TMEM232: variants seen among roughly 807,000 people sequenced by gnomAD.
The protein encoded by TMEM232 is transmembrane protein 232.
TMEM232 carries 80 observed loss-of-function variants against 78.8 expected under a neutral mutation model. That is an observed-to-expected ratio of 1.01 (90% CI 0.85 to 1.22). TMEM232 has a LOEUF of 1.22. Ranked by LOEUF, TMEM232 falls within the 50% of genes most tolerant of loss-of-function variation. The pLI is 0.00. For missense variants in TMEM232, 881 were observed against 742.2 expected, an observed-to-expected ratio of 1.19 and a Z score of -2.17; for synonymous variants, 297 against 254.3, an observed-to-expected ratio of 1.17 and a Z score of -1.60.
intron 1 of TMEM232, among the ~76,000 whole-genome samples, chr5:110,691,924 G>GC (rs930181072): frequency 2.0e-5 from 3 of 151,972 alleles, no homozygotes; most frequent in Non-Finnish European, 2.9e-5. Flanking sequence ...TCTTTTGTTT[G>GC]TTTTTTGTTT....
At chr5:110,397,923 A>C (rs1012266917) in intron 2 of TMEM232, 2 of 152,580 alleles carry the variant, frequency 1.3e-5, no homozygotes, top group Non-Finnish European at 2.9e-5. Context: ...TTCTCTCAAT[A>C]ACTTGTCACT....
intron 12 of TMEM232, among the ~76,000 whole-genome samples, chr5:110,501,321 A>T (rs1324778622): frequency 6.6e-6 from 1 of 152,152 alleles, no homozygotes; most frequent in Non-Finnish European, 1.5e-5. Flanking sequence ...CTAAGCTATT[A>T]ATTAACTTCT....
At chr5:110,704,298 T>C (rs1795712103) in intron 1 of TMEM232, among the ~76,000 whole-genome samples, 1 of 152,038 alleles carries the variant, frequency 6.6e-6, no homozygotes, top group Admixed American at 6.6e-5. Context: ...GCAACTAAAC[T>C]TGATATGGTT....
chr5:110,451,543 T>G (rs1224383316), intron 12 of TMEM232, among the ~76,000 whole-genome samples: 1 of 152,176 alleles, frequency 6.6e-6, no homozygotes, highest in Non-Finnish European at 1.5e-5. Context: ...AATCTTCTAG[T>G]CATTGTTTTT....
rs996756686 is a variant in TMEM232, at chr5:110,420,009, G to T, written c.*571C>A. 6.6e-6 allele frequency: 1 copy of T among 152,248 alleles called. No individual in the cohort carries two copies. Among genetic ancestry groups the T allele is most frequent in the African/African-American group, 2.4e-5 (1 of 41,422 alleles). 9.4% of individuals were successfully genotyped at this position (152,248 alleles called of 1,614,324 possible). Reference sequence around the variant, plus strand: ...GGAATCCCCTCTGGCATCTGTTAAAGATCAAGCCAATCAATCTAAGATGAC... The same window carrying T: ...GGAATCCCCTCTGGCATCTGTTAAATATCAAGCCAATCAATCTAAGATGAC... On this transcript the variant is annotated 3_prime_UTR_variant, in exon 14 of 14. Transcript: ENST00000455884.
rs1756507984 is a variant in TMEM232 at position 110,420,331 on chromosome 5, T to C, written c.*249A>G. ...AAGGTCAATTGAGAAAAATACTAGATGTAGTCTTGGAAATTTTTGACTAGT... is the reference window on the plus strand; with the variant it reads ...AAGGTCAATTGAGAAAAATACTAGACGTAGTCTTGGAAATTTTTGACTAGT... On this transcript the variant is annotated 3_prime_UTR_variant, in exon 14 of 14. Transcript: ENST00000455884. The C allele has an allele frequency of 6.4e-6, 2 of 314,288 alleles. No homozygotes were observed. The highest frequency in any genetic ancestry group is 4.3e-5 in the African/African-American group (2 of 46,248). 19.5% of individuals were successfully genotyped at this position (314,288 alleles called of 1,614,324 possible).
intron 1 of TMEM232, among the ~76,000 whole-genome samples, chr5:110,705,768 G>A (rs1170099259): frequency 1.8e-5 from 2 of 109,902 alleles, no homozygotes; most frequent in African/African-American, 6.3e-5. Context: ...GTGTGCGTGT[G>A]TGTGTGTGTG....
chr5:110,457,962 C>T (rs1580761087), intron 12 of TMEM232, among the ~76,000 whole-genome samples: 2 of 151,758 alleles, frequency 1.3e-5, no homozygotes, highest in Non-Finnish European at 2.9e-5. Context: ...TGTGTTTTTC[C>T]ACCAATACTT....
intron 12 of TMEM232, among the ~76,000 whole-genome samples, chr5:110,499,280 T>C (rs1359112585): frequency 1.3e-5 from 2 of 152,174 alleles, no homozygotes; most frequent in Non-Finnish European, 2.9e-5. Context: ...ATAAAGCCTG[T>C]TGTCTACAAG....
chr5:110,424,829 G>A lies in TMEM232; in HGVS notation c.1791C>T (p.Asp597=). 1 of 1,547,950 alleles carries A rather than the reference G, an allele frequency of 6.5e-7. No individual in the cohort carries two copies. Among genetic ancestry groups the A allele is most frequent in the Non-Finnish European group, 8.7e-7 (1 of 1,144,902 alleles). ...AAAAAAAAATCAATCTTACGTGATG[G>A]TCAATGATTTTTGCCAACTCTTTAT... ...KADKELAKII[D]HHWQEELKIR... Residue 597 remains aspartate, a synonymous_variant, in exon 13 of 14, where the codon GAC becomes GAT. Coordinates refer to ENST00000455884, the MANE Select transcript of TMEM232 (RefSeq NM_001039763.4).
rs6879512 is a variant in TMEM232, at chr5:110,638,983, A to G, written c.344-628T>C. Among the ~76,000 whole-genome samples the G allele has an allele frequency of 7.0e-3, 1,066 of 152,348 alleles. 12 individuals are homozygous for G. The highest frequency in any genetic ancestry group is 0.024 in the African/African-American group (1,015 of 41,584). On this transcript the variant is annotated intron_variant, in intron 4 of 13. Transcript: ENST00000455884. ...GAAGAATATAGAGCTAAGAGCCTAG[A>G]GAAAACAGCTTCTCAAATCATTACA...
chr5:110,607,646 A>C (rs929029557), intron 8 of TMEM232, among the ~76,000 whole-genome samples: 2 of 151,998 alleles, frequency 1.3e-5, no homozygotes, highest in African/African-American at 4.8e-5. Context: ...TTTGATTTAA[A>C]ATTGACTGCC....
intron 2 of TMEM232, among the ~76,000 whole-genome samples, chr5:110,407,272 A>C (rs1755827267): frequency 6.6e-6 from 1 of 152,144 alleles, no homozygotes; most frequent in Non-Finnish European, 1.5e-5. Flanking sequence ...TAAAGAAACA[A>C]GACCTAACTA....
intron 12 of TMEM232, among the ~76,000 whole-genome samples, chr5:110,493,248 A>G (rs1385534076): frequency 3.9e-5 from 6 of 151,938 alleles, no homozygotes; most frequent in African/African-American, 1.4e-4. Context: ...AGTATCATAA[A>G]GGAGAAAATT....
chr5:110,698,763 C>T (rs548535514), intron 1 of TMEM232, among the ~76,000 whole-genome samples: 221 of 152,116 alleles, frequency 1.5e-3, no homozygotes, highest in African/African-American at 5.0e-3. Context: ...TTCTAAATTG[C>T]TACGAAGAAA....
At chr5:110,394,269 G>T (rs1755307792) in intron 3 of TMEM232, among the ~76,000 whole-genome samples, 1 of 152,134 alleles carries the variant, frequency 6.6e-6, no homozygotes, top group South Asian at 2.1e-4. Context: ...CTATGCAGTT[G>T]CAAATATCAA....
chr5:110,582,294 T>C (rs1778297789), intron 10 of TMEM232, among the ~76,000 whole-genome samples: 1 of 151,832 alleles, frequency 6.6e-6, no homozygotes, highest in African/African-American at 2.4e-5. Context: ...ATAAAAAACA[T>C]ATGGTACATA....
chr5:110,689,358 T>C (rs911492483), intron 1 of TMEM232, among the ~76,000 whole-genome samples: 1 of 152,202 alleles, frequency 6.6e-6, no homozygotes, highest in African/African-American at 2.4e-5. Flanking sequence ...ATAACTACTA[T>C]GTAAATTTTA....
intron 2 of TMEM232, among the ~76,000 whole-genome samples, chr5:110,648,463 A>G (rs1365884022): frequency 6.6e-6 from 1 of 152,106 alleles, no homozygotes; most frequent in Non-Finnish European, 1.5e-5. Context: ...TGGTCACAGC[A>G]ACGTTTTTCA....
Sources: allele counts gnomAD v4.1 joint callset (sites outside exome capture counted in the v4.1 genomes callset), GRCh38; gene constraint gnomAD v4.1.1; transcripts MANE v1.5; gene names NCBI Gene and HGNC (gene_info 2026-07-23, HGNC 2026-07-21).